Variants in CEP290 observed in about 807,000 individuals in gnomAD.
CEP290 encodes centrosomal protein 290.
A neutral mutation model predicts 344.9 loss-of-function variants in CEP290; 317 were observed. The observed-to-expected ratio is 0.92, with a 90% CI of 0.84 to 1.01. The LOEUF (loss-of-function observed/expected upper bound fraction) is 1.01. Among genes scored for constraint, CEP290 ranks in the 50% least tolerant of loss-of-function variants. The pLI, the probability that CEP290 is intolerant of heterozygous loss-of-function variation, is 0.00. For missense variants in CEP290, 2,754 were observed against 2,761.4 expected, an observed-to-expected ratio of 1.00 and a Z score of 0.06; for synonymous variants, 932 against 895.8, an observed-to-expected ratio of 1.04 and a Z score of -0.72.
intron 10 of CEP290, 62 bp downstream of exon 10, chr12:88,129,632 A>G: frequency 1.0e-6 from 1 of 994,370 alleles, no homozygotes; most frequent in Non-Finnish European, 1.4e-6. Flanking sequence ...CTAGTGTCAA[A>G]TAAATAGTAA....
At chr12:88,115,067 A>C in intron 19 of CEP290, 31 bp downstream of exon 19, 1 of 1,157,528 alleles carries the variant, frequency 8.6e-7, no homozygotes, top group Non-Finnish European at 1.2e-6. Flanking sequence ...GAAAAATAAG[A>C]ACAGAAAAGT....
chr12:88,095,566 AC>A (rs2037367538), intron 27 of CEP290, among the ~76,000 whole-genome samples: 1 of 152,214 alleles, frequency 6.6e-6, no homozygotes. Flanking sequence ...CCATGCAAAT[AC>A]TACACAAAAG....
In CEP290 at chr12:88,141,521, C is replaced by CA. The variant is rs71082427; in HGVS notation, c.-27-188dup. The stretch of plus-strand genomic sequence containing the variant: ...AAAAATAGCAGTCGGCACAAACTGT[C>CA]AGAGTGTCCCGGCTAAATAAAATGT... On this transcript the variant is annotated intron_variant, in intron 1 of 53. Coordinates refer to ENST00000552810, the MANE Select transcript of CEP290 (RefSeq NM_025114.4). 0.52 allele frequency among the ~76,000 whole-genome samples: 78,265 copies of CA among 151,882 alleles called. 22,591 individuals carry two copies. Among genetic ancestry groups the CA allele is most frequent in the East Asian group, 0.72 (3,728 of 5,160 alleles).
chr12:88,093,962 G>A lies in CEP290; in HGVS notation c.3117C>T (p.Ser1039=), dbSNP rs2037241405. 1 of 1,605,852 alleles carries A rather than the reference G, an allele frequency of 6.2e-7. No individual in the cohort carries two copies. Among genetic ancestry groups the A allele is most frequent in the South Asian group, 1.1e-5 (1 of 89,622 alleles). ...EQETKLGNES[S]MDKAKKSITN... ...TTATTGATTTCTTTGCCTTATCCAT[G>A]CTAGATTCATTACCTACATGCAATA... The change falls in exon 28 of 54, where the codon AGC becomes AGT. Residue 1039 remains serine, a synonymous_variant. Coordinates refer to ENST00000552810, the MANE Select transcript of CEP290 (RefSeq NM_025114.4).
chr12:88,093,846 T>G lies in CEP290; in HGVS notation c.3233A>C (p.Lys1078Thr). 1 of 1,613,026 alleles carries G rather than the reference T, an allele frequency of 6.2e-7. No homozygotes were observed. The highest frequency in any genetic ancestry group is 8.5e-7 in the Non-Finnish European group (1 of 1,179,386). The change falls in exon 28 of 54, where the codon AAA becomes ACA. Residue 1078 changes from lysine (K) to threonine (T), a missense_variant. Coordinates refer to ENST00000552810, the MANE Select transcript of CEP290 (RefSeq NM_025114.4). The part of the protein sequence containing the change: ...NERQRAEHCQ[K>T]MYEHLRTSLK... ...CGAAGTCCGTAAGTGTTCATACATT[T>G]TTTGACAATGTTCAGCCCGCTGCCT...
At chr12:88,093,391 TC>T (rs1233170390) in intron 28 of CEP290, among the ~76,000 whole-genome samples, 2 of 152,030 alleles carry the variant, frequency 1.3e-5, no homozygotes, top group African/African-American at 4.8e-5. Context: ...GAATGTAAAG[TC>T]CCTGAAAGTA....
At chr12:88,076,634 G>T (rs1286633380) in intron 41 of CEP290, among the ~76,000 whole-genome samples, 5 of 151,696 alleles carry the variant, frequency 3.3e-5, no homozygotes, top group African/African-American at 7.3e-5. Context: ...ATTTCAATCA[G>T]TAATTTTTAT....
intron 5 of CEP290, among the ~76,000 whole-genome samples, chr12:88,137,645 T>G (rs1240290487): frequency 4.6e-5 from 7 of 152,216 alleles, no homozygotes; most frequent in Admixed American, 4.6e-4. Flanking sequence ...ATATTTCACA[T>G]CCTCAGATTC....
At chr12:88,057,684 G>A (rs886066081) in intron 49 of CEP290, among the ~76,000 whole-genome samples, 9 of 152,116 alleles carry the variant, frequency 5.9e-5, no homozygotes, top group African/African-American at 1.9e-4. Context: ...AGGAACCAAG[G>A]CCTCCTCCAG....
intron 44 of CEP290, among the ~76,000 whole-genome samples, chr12:88,065,644 C>CAA (rs1292534395): frequency 6.6e-6 from 1 of 152,098 alleles, no homozygotes; most frequent in Non-Finnish European, 1.5e-5. Flanking sequence ...TTTGATTCAG[C>CAA]AAATGATAAA....
chr12:88,082,455 G>A (rs1022007822), intron 37 of CEP290, among the ~76,000 whole-genome samples: 3 of 152,150 alleles, frequency 2.0e-5, no homozygotes, highest in African/African-American at 7.2e-5. Flanking sequence ...CACTTTGGGA[G>A]GCCGAAGTGG....
rs747360314 is a variant in CEP290, at chr12:88,111,794, T to C, written c.2117A>G (p.Asp706Gly). 1 of 1,607,512 alleles carries C rather than the reference T, an allele frequency of 6.2e-7. No individual in the cohort carries two copies. The highest frequency in any genetic ancestry group is 8.5e-7 in the Non-Finnish European group (1 of 1,177,238). ...DASLHLKAQV[D>G]QLTGRNEELR... The stretch of plus-strand genomic sequence containing the variant: ...TTCTTCATTTCTTCCGGTAAGCTGA[T>C]CAACTTGGGCTTTCAAATGCAGACT... Residue 706 changes from aspartate (D) to glycine (G), a missense_variant, in exon 21 of 54, where the codon GAT becomes GGT. Asp to Gly is a moderately conservative substitution (Grantham distance 94). Transcript: ENST00000552810.
intron 34 of CEP290, 113 bp downstream of exon 34, chr12:88,085,926 A>G (rs2036541393): frequency 1.0e-6 from 1 of 953,922 alleles, no homozygotes; most frequent in Non-Finnish European, 1.5e-6. Context: ...AAATAGTGAA[A>G]TTAGCAATAG....
intron 20 of CEP290, among the ~76,000 whole-genome samples, chr12:88,113,916 AC>A (rs1265012426): frequency 6.6e-6 from 1 of 152,112 alleles, no homozygotes; most frequent in Non-Finnish European, 1.5e-5. Flanking sequence ...TAGAAAATGA[AC>A]AAAAGCAAGC....
At chr12:88,137,263 C>T (rs2040401177) in intron 5 of CEP290, among the ~76,000 whole-genome samples, 1 of 152,194 alleles carries the variant, frequency 6.6e-6, no homozygotes, top group African/African-American at 2.4e-5. Context: ...AATAGCCACT[C>T]GCTACATGTA....
chr12:88,115,366 C>G, intron 18 of CEP290, 184 bp from the exon 19 acceptor site: 1 of 712,872 alleles, frequency 1.4e-6, no homozygotes, highest in Non-Finnish European at 2.2e-6. Flanking sequence ...AGATGGTGAT[C>G]TTAATCCCAC....
chr12:88,081,379 T>C lies in CEP290; in HGVS notation c.5013-984A>G, dbSNP rs184059394. ...CTAGCATTATATCTATAACTATATATATGGAAGTGGATACTATCAAAAGAT... is the reference window on the plus strand; with the variant it reads ...CTAGCATTATATCTATAACTATATACATGGAAGTGGATACTATCAAAAGAT... On this transcript the variant is annotated intron_variant, in intron 37 of 53. Transcript: ENST00000552810. Among the ~76,000 whole-genome samples, 133 of 152,336 alleles carry C rather than the reference T, an allele frequency of 8.7e-4. 3 individuals are homozygous for C. The highest frequency in any genetic ancestry group is 1.5e-3 in the Admixed American group (23 of 15,288).
At chr12:88,114,162 C>A (rs1002046129) in intron 20 of CEP290, among the ~76,000 whole-genome samples, 2 of 152,112 alleles carry the variant, frequency 1.3e-5, no homozygotes, top group Non-Finnish European at 2.9e-5. Context: ...TCCTCAAGGT[C>A]TCAAGCTGAC....
chr12:88,058,688 C>T, intron 49 of CEP290, 160 bp downstream of exon 49: 1 of 734,222 alleles, frequency 1.4e-6, no homozygotes, highest in Non-Finnish European at 2.2e-6. Context: ...AAAAAGTCTC[C>T]AACAATACTA....
Sources: allele counts gnomAD v4.1 joint callset (sites outside exome capture counted in the v4.1 genomes callset), GRCh38; gene constraint gnomAD v4.1.1; transcripts MANE v1.5; gene names NCBI Gene and HGNC (gene_info 2026-07-23, HGNC 2026-07-21).